Variants in HTATIP2 observed in about 807,000 individuals in gnomAD.
HTATIP2 encodes the protein HIV-1 Tat interactive protein 2.
In HTATIP2, 26 loss-of-function variants were observed where a neutral mutation model predicts 24.7. The observed-to-expected ratio is 1.05, with a 90% confidence interval of 0.77 to 1.46. The LOEUF is 1.46. Ranked by LOEUF, HTATIP2 falls within the 40% of genes most tolerant of loss-of-function variation. HTATIP2 has a pLI of 0.00. For missense variants in HTATIP2, 284 were observed against 289.6 expected, an observed-to-expected ratio of 0.98 and a Z score of 0.14; for synonymous variants, 99 against 113.2, an observed-to-expected ratio of 0.87 and a Z score of 0.79.
intron 4 of HTATIP2, among the ~76,000 whole-genome samples, chr11:20,382,752 T>G (rs1848539090): frequency 6.6e-6 from 1 of 152,106 alleles, no homozygotes; most frequent in Non-Finnish European, 1.5e-5. Context: ...CTTCCTCTTA[T>G]GAGGACCCCA....
At chr11:20,364,471 T>C (rs774156790) in intron 1 of HTATIP2, 39 bp downstream of exon 1, 1 of 1,522,420 alleles carries the variant, frequency 6.6e-7, no homozygotes, top group African/African-American at 1.4e-5. Context: ...ACCCCCAGGA[T>C]TCTGCGAGGT....
rs2064668608 is a variant in HTATIP2, at chr11:20,364,245, A to T, written c.8A>T (p.Glu3Val). The change falls in exon 1 of 5, where the codon GAA (glutamate) becomes GTA (valine). Residue 3 changes from glutamate (E) to valine (V), a missense_variant. By Grantham distance (121) the Glu-to-Val change is moderately radical (BLOSUM62 -2). Coordinates refer to ENST00000451739, the MANE Select transcript of HTATIP2 (RefSeq NM_001098522.2). Reference sequence around the variant, plus strand: ...CGATGTTATTTCCCCAGCATGGCCGAAACAGAAGCCCTGTCGAAGCTTCGG... The same window carrying T: ...CGATGTTATTTCCCCAGCATGGCCGTAACAGAAGCCCTGTCGAAGCTTCGG... The part of the protein sequence containing the change: MA[E>V]TEALSKLRED... 4.4e-6 allele frequency: 7 copies of T among 1,601,352 alleles called. No individual in the cohort carries two copies. The highest frequency in any genetic ancestry group is 6.0e-6 in the Non-Finnish European group (7 of 1,170,516).
At chr11:20,373,610 CA>C (rs2064794807) in intron 2 of HTATIP2, among the ~76,000 whole-genome samples, 1 of 151,762 alleles carries the variant, frequency 6.6e-6, no homozygotes, top group Admixed American at 6.6e-5. Context: ...GCTAAAACAA[CA>C]ACAACAAAAA....
At chr11:20,372,149 G>A (rs1039686807) in intron 2 of HTATIP2, among the ~76,000 whole-genome samples, 3 of 152,250 alleles carry the variant, frequency 2.0e-5, no homozygotes, top group East Asian at 3.9e-4. Context: ...GGGTCTCACT[G>A]TGTTGCCAAG....
intron 3 of HTATIP2, 29 bp from the exon 4 acceptor site, chr11:20,382,149 A>C: frequency 1.1e-5 from 16 of 1,399,958 alleles, no homozygotes; most frequent in Non-Finnish European, 1.6e-5. Context: ...GTCGCGATTA[A>C]ATACTGAAAA....
Position 20,382,176 on chromosome 11 carries a change from A to G in HTATIP2, c.442-2A>G, listed in dbSNP as rs753570599. 1 of 1,564,276 alleles carries G rather than the reference A, an allele frequency of 6.4e-7. No individual in the cohort carries two copies. Among genetic ancestry groups the G allele is most frequent in the South Asian group, 1.1e-5 (1 of 89,862 alleles). ...TACTGAAAATGTGTTTTTTCTTAAT[A>G]GGGAGAAGTAGAAGCCAAGGTTGAA... On this transcript the variant is annotated splice_acceptor_variant, in intron 3 of 4. Coordinates refer to ENST00000451739, the MANE Select transcript of HTATIP2 (RefSeq NM_001098522.2). LOFTEE classifies it high-confidence loss of function.
At chr11:20,377,947 G>A (rs904206841) in intron 3 of HTATIP2, among the ~76,000 whole-genome samples, 3 of 152,092 alleles carry the variant, frequency 2.0e-5, no homozygotes, top group Admixed American at 2.0e-4. Context: ...CCTGTGTCTA[G>A]CTCCTTCATG....
chr11:20,366,471 C>T (rs1394766081), intron 1 of HTATIP2, among the ~76,000 whole-genome samples: 1 of 152,018 alleles, frequency 6.6e-6, no homozygotes, highest in Non-Finnish European at 1.5e-5. Flanking sequence ...AACATTTTAT[C>T]GGAGTTCTTG....
At position 20,376,579 on chromosome 11, in the gene HTATIP2, G is replaced by C; in HGVS notation, c.304-1G>C. On this transcript the variant is annotated splice_acceptor_variant, in intron 2 of 4. Coordinates refer to ENST00000451739, the MANE Select transcript of HTATIP2 (RefSeq NM_001098522.2). LOFTEE classifies it high-confidence loss of function. ...ATAACTCATGTCCTTTTCCCCCTTA[G>C]GAGGGATTTGTTCGTGTTGACCGAG... 1 of 1,613,878 alleles carries C rather than the reference G, an allele frequency of 6.2e-7. No homozygotes were observed. Among genetic ancestry groups the C allele is most frequent in the Non-Finnish European group, 8.5e-7 (1 of 1,179,926 alleles).
Position 20,363,717 on chromosome 11 carries a change from G to A in HTATIP2, c.-521G>A. The A allele has an allele frequency of 8.1e-7, 1 of 1,229,638 alleles. No homozygotes were observed. Among genetic ancestry groups the A allele is most frequent in the South Asian group, 4.3e-5 (1 of 23,512 alleles). 76.2% of individuals were successfully genotyped at this position (1,229,638 alleles called of 1,614,324 possible). ...GCCCCTGTGGGCGGGGCGAGGCAGCGTCGCCGCGAGGCCACCCGGAAGACC... is the reference window on the plus strand; with the variant it reads ...GCCCCTGTGGGCGGGGCGAGGCAGCATCGCCGCGAGGCCACCCGGAAGACC... On this transcript the variant is annotated 5_prime_UTR_variant, in exon 1 of 5. Coordinates refer to ENST00000451739, the MANE Select transcript of HTATIP2 (RefSeq NM_001098522.2).
chr11:20,377,406 G>A (rs1282376564), intron 3 of HTATIP2, among the ~76,000 whole-genome samples: 3 of 152,124 alleles, frequency 2.0e-5, no homozygotes, highest in Admixed American at 6.5e-5. Flanking sequence ...AAGTCTTAAC[G>A]TTTTATCTTT....
intron 3 of HTATIP2, among the ~76,000 whole-genome samples, chr11:20,377,808 A>G (rs1848467422): frequency 6.6e-6 from 1 of 152,240 alleles, no homozygotes; most frequent in South Asian, 2.1e-4. Context: ...CTGCCTTTTA[A>G]AATAACAAAA....
In HTATIP2 at chr11:20,367,274, C is replaced by G. The variant is rs143928186; in HGVS notation, c.296C>G (p.Ala99Gly). The stretch of plus-strand genomic sequence containing the variant: ...TGCCTGGGTACCACCAGAGGGAAAG[C>G]TGGGGCGGTAAGGAAGGCATATGCT... The part of the protein sequence containing the change: ...FCCLGTTRGK[A>G]GAEGFVRVDR... The change falls in exon 2 of 5, where the codon GCT becomes GGT. Residue 99 changes from alanine to glycine, a missense_variant. By Grantham distance (60) the Ala-to-Gly change is moderately conservative. Coordinates refer to ENST00000451739, the MANE Select transcript of HTATIP2 (RefSeq NM_001098522.2). The G allele has an allele frequency of 1.4e-4, 230 of 1,614,058 alleles. No individual in the cohort carries two copies. In the African/African-American group the frequency reaches 2.5e-3, roughly 17 times the overall value.
chr11:20,369,884 C>CA (rs1454558709), intron 2 of HTATIP2, among the ~76,000 whole-genome samples: 1 of 152,204 alleles, frequency 6.6e-6, no homozygotes, highest in African/African-American at 2.4e-5. Flanking sequence ...TTTCTATTGA[C>CA]ACTGGTTCTA....
Position 20,364,076 on chromosome 11 carries a change from G to C in HTATIP2, c.-162G>C. 7.3e-7 allele frequency: 1 copy of C among 1,364,508 alleles called. No homozygotes were observed. The highest frequency in any genetic ancestry group is 9.4e-7 in the Non-Finnish European group (1 of 1,061,014). The allele number at this position is 1,364,508 out of a possible 1,614,324, so 84.5% of individuals were successfully genotyped here. Reference sequence around the variant, plus strand: ...CTGGCTCAGGTGCGGGCGATGGCCGGGGAGCCGCGCCCCGCACGTGACTCA... The same window carrying C: ...CTGGCTCAGGTGCGGGCGATGGCCGCGGAGCCGCGCCCCGCACGTGACTCA... On this transcript the variant is annotated 5_prime_UTR_variant, in exon 1 of 5. Transcript: ENST00000451739.
intron 2 of HTATIP2, among the ~76,000 whole-genome samples, chr11:20,374,555 C>A (rs1014173165): frequency 6.6e-6 from 1 of 152,186 alleles, no homozygotes; most frequent in African/African-American, 2.4e-5. Flanking sequence ...AATGTGGTAG[C>A]TGAGCCCTTC....
At chr11:20,366,165 G>A (rs1191214876) in intron 1 of HTATIP2, among the ~76,000 whole-genome samples, 2 of 138,538 alleles carry the variant, frequency 1.4e-5, no homozygotes, top group African/African-American at 5.4e-5. Context: ...GCAGTGGTGC[G>A]ATCTCAGCTC....
chr11:20,363,947 G>A lies in HTATIP2; in HGVS notation c.-291G>A. The A allele has an allele frequency of 2.4e-6, 3 of 1,244,126 alleles. No individual in the cohort carries two copies. The highest frequency in any genetic ancestry group is 3.0e-6 in the Non-Finnish European group (3 of 991,510). 77.1% of individuals were successfully genotyped at this position (1,244,126 alleles called of 1,614,324 possible). On this transcript the variant is annotated 5_prime_UTR_variant, in exon 1 of 5. Transcript: ENST00000451739. ...CCGCGTATGGGACCGAGCTGGGCCAGGTCTCCTGGCCGGGCCGGGGATACC... is the reference window on the plus strand; with the variant it reads ...CCGCGTATGGGACCGAGCTGGGCCAAGTCTCCTGGCCGGGCCGGGGATACC...
chr11:20,382,199 G>A lies in HTATIP2; in HGVS notation c.463G>A (p.Glu155Lys). The change falls in exon 4 of 5, where the codon GAA (glutamate) becomes AAA (lysine). Residue 155 changes from glutamate to lysine, a missense_variant. Coordinates refer to ENST00000451739, the MANE Select transcript of HTATIP2 (RefSeq NM_001098522.2). ...QVKGEVEAKV[E>K]ELKFDRYSVF... ...ATAGGGAGAAGTAGAAGCCAAGGTT[G>A]AAGAATTAAAATTTGATCGTTACTC... 3.1e-6 allele frequency: 5 copies of A among 1,595,412 alleles called. No individual in the cohort carries two copies. The South Asian group carries it at 4.4e-5, about 14-fold the overall frequency.
Sources: allele counts gnomAD v4.1 joint callset (sites outside exome capture counted in the v4.1 genomes callset), GRCh38; gene constraint gnomAD v4.1.1; transcripts MANE v1.5; gene names NCBI Gene and HGNC (gene_info 2026-07-23, HGNC 2026-07-21).